The following KIFC3 variants were observed in gnomAD, a reference collection of about 807,000 sequenced individuals.
KIFC3 encodes the protein kinesin family member C3.
In KIFC3, 60 loss-of-function variants were observed where a neutral mutation model predicts 101.8. The ratio of observed to expected loss-of-function variants is 0.59; its 90% confidence interval spans 0.48 to 0.73. The LOEUF (loss-of-function observed/expected upper bound fraction) is 0.73. KIFC3 is among the 30% of genes least tolerant of loss of function. KIFC3 has a pLI of 0.00. For synonymous variants in KIFC3, 476 were observed against 482.7 expected, an observed-to-expected ratio of 0.99 and a Z score of 0.18; for missense variants, 966 against 1,137.1, an observed-to-expected ratio of 0.85 and a Z score of 2.16.
chr16:57,860,187 C>T (rs2056275045), intron 1 of KIFC3, among the ~76,000 whole-genome samples: 2 of 152,006 alleles, frequency 1.3e-5, no homozygotes, highest in African/African-American at 2.4e-5. Context: ...GGGGCTCTGG[C>T]TCACGCCTGT....
intron 1 of KIFC3, chr16:57,813,723 T>G (rs373358327): frequency 1.1e-6 from 1 of 930,652 alleles, no homozygotes; most frequent in Non-Finnish European, 1.3e-6. Flanking sequence ...GCACCACTCA[T>G]GCAGGTGGGC....
At chr16:57,774,843 C>T in intron 3 of KIFC3, 1 of 1,353,842 alleles carries the variant, frequency 7.4e-7, no homozygotes, top group Non-Finnish European at 9.5e-7. Flanking sequence ...TTTTCAGTCT[C>T]AAAGAATACG....
At chr16:57,850,465 G>GTTTTTTTTTTTTTTTTT (rs373157438) in intron 1 of KIFC3, among the ~76,000 whole-genome samples, 1 of 84,080 alleles carries the variant, frequency 1.2e-5, no homozygotes, top group Non-Finnish European at 2.1e-5. Context: ...TTTAAAAAGG[G>GTTTTTTTTTTTTTTTTT]TTTTTTTTTT....
intron 3 of KIFC3, among the ~76,000 whole-genome samples, chr16:57,786,652 C>T (rs913422631): frequency 6.6e-6 from 1 of 152,252 alleles, no homozygotes; most frequent in South Asian, 2.1e-4. Context: ...CCCTCCACCT[C>T]GGAGCCTGGG....
intron 9 of KIFC3, among the ~76,000 whole-genome samples, chr16:57,767,491 A>G (rs1329512151): frequency 6.6e-6 from 1 of 152,160 alleles, no homozygotes; most frequent in African/African-American, 2.4e-5. Flanking sequence ...CAAATCACAC[A>G]TCCCCTTTCT....
In KIFC3 at chr16:57,772,442, C is replaced by T. The variant is rs563407571; in HGVS notation, c.316-154G>A. On this transcript the variant is annotated intron_variant, in intron 3 of 19. Coordinates refer to ENST00000445690, the MANE Select transcript of KIFC3 (RefSeq NM_001130100.2). ...CCCTATGTTCAAGCATCCCATCACACCTGGGACTTCAGGTGAGAGAAACCT... is the reference window on the plus strand; with the variant it reads ...CCCTATGTTCAAGCATCCCATCACATCTGGGACTTCAGGTGAGAGAAACCT... The T allele has an allele frequency of 5.7e-5, 34 of 598,060 alleles. No homozygotes were observed. The African/African-American group carries it at 6.0e-4, about 10-fold the overall frequency. The allele number at this position is 598,060 out of a possible 1,614,324, so 37.0% of individuals were successfully genotyped here. A position where few individuals can be genotyped will look rare whatever the true frequency, so the allele number is the denominator to read the frequency against.
rs782043063 is a variant in KIFC3 at position 57,798,175 on chromosome 16, G to A, written c.69C>T (p.Gly23=). 9 of 1,540,144 alleles carry A rather than the reference G, an allele frequency of 5.8e-6. No homozygotes were observed. The highest frequency in any genetic ancestry group is 2.4e-5 in the East Asian group (1 of 41,024). Residue 23 remains glycine (G), a synonymous_variant, in exon 2 of 20, where the codon GGC becomes GGT. Transcript: ENST00000445690. ...TCCCCGGCTCGGGCTCCGGGGCCCG[G>A]CCCACTCTCCACAGGCCCCGCAGCG... is the stretch of plus-strand genomic sequence containing the variant. ...TPSLRGLWRV[G]RAPEPEPGMA... is the part of the protein sequence containing the mutation.
chr16:57,785,619 G>A, intron 3 of KIFC3: 1 of 1,269,280 alleles, frequency 7.9e-7, no homozygotes. Flanking sequence ...GCCGCACCTG[G>A]TGGCCCCGAC....
intron 16 of KIFC3, 25 bp downstream of exon 16, chr16:57,760,701 G>A: frequency 6.3e-7 from 1 of 1,593,482 alleles, no homozygotes. Flanking sequence ...CTAGGGACTG[G>A]CCCGCCCTAA....
At chr16:57,786,935 C>T (rs868938140) in intron 3 of KIFC3, among the ~76,000 whole-genome samples, 1 of 152,204 alleles carries the variant, frequency 6.6e-6, no homozygotes, top group African/African-American at 2.4e-5. Context: ...AGGAGGGGCA[C>T]GCACAGGTCG....
chr16:57,785,508 G>A (rs372106505), intron 3 of KIFC3: 53 of 1,289,010 alleles, frequency 4.1e-5, no homozygotes, highest in African/African-American at 3.5e-4. Flanking sequence ...TCACTGTCGC[G>A]GAGGGCCAGC....
chr16:57,853,912 T>G (rs1364094881), intron 1 of KIFC3, among the ~76,000 whole-genome samples: 1 of 151,978 alleles, frequency 6.6e-6, no homozygotes, highest in Non-Finnish European at 1.5e-5. Flanking sequence ...GGATTATAGG[T>G]GTGAGCCACT....
chr16:57,795,216 G>T, intron 2 of KIFC3, 75 bp from the exon 3 acceptor site: 1 of 1,529,908 alleles, frequency 6.5e-7, no homozygotes, highest in South Asian at 1.2e-5. Context: ...CCACTGGCCA[G>T]GGCCGCAGCT....
chr16:57,815,689 TG>T (rs782584134), intron 1 of KIFC3: 4 of 1,273,318 alleles, frequency 3.1e-6, no homozygotes, highest in South Asian at 1.2e-5. Context: ...ACTCGGGGCC[TG>T]GGAGAAGGGG....
chr16:57,770,861 TG>T (rs1171718916), intron 6 of KIFC3, among the ~76,000 whole-genome samples, 161 bp from the exon 7 acceptor site: 11 of 152,088 alleles, frequency 7.2e-5, no homozygotes, highest in African/African-American at 1.4e-4. Flanking sequence ...TCCAGAAAGC[TG>T]GGGGGGTCTC....
chr16:57,834,480 A>G (rs2055647768), intron 1 of KIFC3, among the ~76,000 whole-genome samples: 1 of 152,082 alleles, frequency 6.6e-6, no homozygotes, highest in Admixed American at 6.6e-5. Context: ...AGTCTCTGTA[A>G]AATAAAAATA....
Position 57,758,632 on chromosome 16 carries a change from CTCACGGGGCCCAGT to C in KIFC3, c.*288_*301del. On this transcript the variant is annotated 3_prime_UTR_variant, in exon 20 of 20. Transcript: ENST00000445690. Reference sequence around the variant, plus strand: ...CACCCTCCTCCACACTCCCGCCCTCCTCACGGGGCCCAGTTCGCTGATGGCCCAGGCCTGCCAGG... The same window carrying C: ...CACCCTCCTCCACACTCCCGCCCTCCTCGCTGATGGCCCAGGCCTGCCAGG... 1 of 698,698 alleles carries C rather than the reference CTCACGGGGCCCAGT, an allele frequency of 1.4e-6. No homozygotes were observed. The highest frequency in any genetic ancestry group is 2.6e-6 in the Non-Finnish European group (1 of 383,164). The allele number at this position is 698,698 out of a possible 1,614,324, so 43.3% of individuals were successfully genotyped here.
chr16:57,815,408 G>A (rs1555628584), intron 1 of KIFC3: 32 of 1,177,552 alleles, frequency 2.7e-5, no homozygotes, highest in East Asian at 1.3e-4. Flanking sequence ...CCCCACCACC[G>A]CCACGTGTTT....
At position 57,823,743 on chromosome 16, in the gene KIFC3, C is replaced by T. The variant is rs1374202521; in HGVS notation, c.109-25461G>A. 2.1e-5 allele frequency among the ~76,000 whole-genome samples: 3 copies of T among 143,736 alleles called. No homozygotes were observed. In the East Asian group the frequency reaches 6.2e-4, roughly 30 times the overall value. The allele number at this position is 143,736 out of a possible 152,430, so 94.3% of individuals were successfully genotyped here. ...GAGTAGCTGGGGTTACAGGTGTGCA[C>T]CACCACACCCGGCTACTTTGTGTGT... On this transcript the variant is annotated intron_variant, in intron 1 of 2. Transcript: ENST00000563028.
Sources: allele counts gnomAD v4.1 joint callset (sites outside exome capture counted in the v4.1 genomes callset), GRCh38; gene constraint gnomAD v4.1.1; transcripts MANE v1.5; gene names NCBI Gene and HGNC (gene_info 2026-07-23, HGNC 2026-07-21).